Variants in SEPTIN2 observed in about 807,000 individuals in gnomAD.
SEPTIN2 encodes septin 2, also known as septin-2.
SEPTIN2 carries 34 observed loss-of-function variants against 46.5 expected under a neutral mutation model. The observed-to-expected ratio is 0.73, with a 90% CI of 0.56 to 0.97. SEPTIN2 has a LOEUF of 0.97. Ranked by LOEUF, SEPTIN2 falls within the 50% of genes least tolerant of loss-of-function variation. SEPTIN2 has a pLI of 0.00. For missense variants in SEPTIN2, 347 were observed against 448.4 expected, an observed-to-expected ratio of 0.77 and a Z score of 2.04; for synonymous variants, 175 against 153.4, an observed-to-expected ratio of 1.14 and a Z score of -1.04.
At chr2:241,343,176 T>C in intron 8 of SEPTIN2, 83 bp downstream of exon 8, 2 of 798,362 alleles carry the variant, frequency 2.5e-6, no homozygotes, top group Non-Finnish European at 4.3e-6. Flanking sequence ...TGCCTGGGTA[T>C]GTTCAGTTAC....
chr2:241,334,669 A>G (rs2079603486), intron 3 of SEPTIN2, among the ~76,000 whole-genome samples: 1 of 152,230 alleles, frequency 6.6e-6, no homozygotes, highest in Non-Finnish European at 1.5e-5. Flanking sequence ...TCCTGCTCAC[A>G]CGTTTCTGCA....
At chr2:241,327,078 A>T (rs1344695835) in intron 3 of SEPTIN2, among the ~76,000 whole-genome samples, 2 of 113,930 alleles carry the variant, frequency 1.8e-5, no homozygotes, top group Non-Finnish European at 1.8e-5. Context: ...AAAAAAAAAA[A>T]TCCAGGCATT....
At chr2:241,339,596 A>T (rs761018526) in intron 7 of SEPTIN2, among the ~76,000 whole-genome samples, 2 of 152,064 alleles carry the variant, frequency 1.3e-5, no homozygotes, top group Admixed American at 6.6e-5. Flanking sequence ...ATATGAATAT[A>T]CTCTAACTTG....
chr2:241,326,229 C>G (rs2077941134), intron 3 of SEPTIN2, 116 bp downstream of exon 3: 1 of 993,302 alleles, frequency 1.0e-6, no homozygotes, highest in Non-Finnish European at 1.4e-6. Context: ...AGTCAAATAA[C>G]TTGAGAATTT....
intron 1 of SEPTIN2, among the ~76,000 whole-genome samples, chr2:241,323,862 T>A (rs1396093364): frequency 6.6e-6 from 1 of 152,218 alleles, no homozygotes; most frequent in Non-Finnish European, 1.5e-5. Context: ...TGATTACACT[T>A]GAAGGGATTT....
intron 7 of SEPTIN2, among the ~76,000 whole-genome samples, chr2:241,338,849 A>ATAATAAATAT (rs2080726154): frequency 2.5e-4 from 5 of 19,644 alleles, no homozygotes; most frequent in Non-Finnish European, 1.1e-4. Context: ...ATAAATATAT[A>ATAATAAATAT]ATATATATAA....
Position 241,324,236 on chromosome 2 carries a change from T to G in SEPTIN2, c.4T>G (p.Ser2Ala). 6.2e-7 allele frequency: 1 copy of G among 1,610,844 alleles called. No homozygotes were observed. The highest frequency in any genetic ancestry group is 8.5e-7 in the Non-Finnish European group (1 of 1,178,960). Residue 2 changes from serine to alanine, a missense_variant, in exon 2 of 13, where the codon TCT (serine) becomes GCT (alanine). Ser to Ala is a moderately conservative substitution (Grantham distance 99, BLOSUM62 1). Transcript: ENST00000391971. ...AACAGACGAAGCTTCACAAAAGATGTCTAAGGTAAGATCATACTTCATGTA... is the reference window on the plus strand; with the variant it reads ...AACAGACGAAGCTTCACAAAAGATGGCTAAGGTAAGATCATACTTCATGTA... Reference protein sequence around the residue: MSKQQPTQFINP... With the variant: MAKQQPTQFINP...
At chr2:241,331,899 A>G (rs2079066492) in intron 3 of SEPTIN2, among the ~76,000 whole-genome samples, 1 of 152,182 alleles carries the variant, frequency 6.6e-6, no homozygotes, top group Non-Finnish European at 1.5e-5. Flanking sequence ...CAAGAAGTAG[A>G]CCCATCAATA....
At chr2:241,345,596 A>G (rs2081911388) in intron 9 of SEPTIN2, among the ~76,000 whole-genome samples, 1 of 152,250 alleles carries the variant, frequency 6.6e-6, no homozygotes, top group African/African-American at 2.4e-5. Context: ...AAGCTAGGCA[A>G]TTAAAAAAAA....
chr2:241,334,180 A>C (rs1461496784), intron 3 of SEPTIN2, among the ~76,000 whole-genome samples: 1 of 152,034 alleles, frequency 6.6e-6, no homozygotes, highest in African/African-American at 2.4e-5. Flanking sequence ...AGCCAGAAAT[A>C]ATTTTTCAAA....
chr2:241,317,454 C>A, intron 1 of SEPTIN2: 1 of 772,150 alleles, frequency 1.3e-6, no homozygotes, highest in Non-Finnish European at 1.6e-6. Context: ...TTCCCTCTAT[C>A]ATTCATAAAT....
intron 5 of SEPTIN2, 90 bp downstream of exon 5, chr2:241,336,188 T>G (rs1452515106): frequency 7.6e-7 from 1 of 1,311,834 alleles, no homozygotes; most frequent in Non-Finnish European, 1.0e-6. Context: ...TTATTAAGTT[T>G]GGGATTGCTG....
chr2:241,329,363 C>A (rs145725679), intron 3 of SEPTIN2, among the ~76,000 whole-genome samples: 3 of 152,142 alleles, frequency 2.0e-5, no homozygotes, highest in East Asian at 1.9e-4. Flanking sequence ...CTCCTGACTT[C>A]GTGATCCGCC....
intron 1 of SEPTIN2, among the ~76,000 whole-genome samples, chr2:241,319,258 G>C (rs2076799102): frequency 6.6e-6 from 1 of 152,202 alleles, no homozygotes; most frequent in South Asian, 2.1e-4. Context: ...CTTATTTTTA[G>C]ATATGTGTAG....
intron 4 of SEPTIN2, 164 bp from the exon 5 acceptor site, chr2:241,335,811 C>A (rs562578108): frequency 5.9e-5 from 47 of 795,248 alleles, no homozygotes; most frequent in Non-Finnish European, 8.9e-5. Context: ...TTAACCTTCC[C>A]CTTTCTGACT....
At chr2:241,329,876 A>G (rs966266390) in intron 3 of SEPTIN2, among the ~76,000 whole-genome samples, 1 of 152,264 alleles carries the variant, frequency 6.6e-6, no homozygotes, top group South Asian at 2.1e-4. Context: ...GCAACAGGCT[A>G]TGACCTAATG....
chr2:241,329,735 A>G (rs976552432), intron 3 of SEPTIN2, among the ~76,000 whole-genome samples: 2 of 152,306 alleles, frequency 1.3e-5, no homozygotes, highest in East Asian at 1.9e-4. Flanking sequence ...CACTGGCTGG[A>G]ACGGTACCTC....
intron 3 of SEPTIN2, among the ~76,000 whole-genome samples, chr2:241,328,621 A>C (rs963086123): frequency 1.3e-5 from 2 of 151,574 alleles, no homozygotes; most frequent in Non-Finnish European, 2.9e-5. Context: ...ACATGCCTGT[A>C]ATCCCAGCTA....
At chr2:241,322,380 C>T (rs1339156569) in intron 1 of SEPTIN2, among the ~76,000 whole-genome samples, 3 of 151,718 alleles carry the variant, frequency 2.0e-5, no homozygotes, top group Admixed American at 6.6e-5. Flanking sequence ...CTGAGGCGGG[C>T]GGGTCATGAG....
Sources: gnomAD v4.1 joint callset for allele counts (sites outside exome capture counted in the v4.1 genomes callset) on GRCh38, gnomAD v4.1.1 for gene constraint, MANE v1.5 for transcripts, NCBI Gene and HGNC (gene_info 2026-07-23, HGNC 2026-07-21) for gene names.